The following MAF variants were observed in gnomAD, a reference collection of about 807,000 sequenced individuals.
The protein encoded by MAF is MAF bZIP transcription factor, also known as transcription factor Maf.
In MAF, 10 loss-of-function variants were observed where a neutral mutation model predicts 22.0. That is an observed-to-expected ratio of 0.45 (90% CI 0.28 to 0.77). The LOEUF (loss-of-function observed/expected upper bound fraction) is 0.77, where lower values mean the gene tolerates loss of function less well. Ranked by LOEUF, MAF falls within the 30% of genes least tolerant of loss-of-function variation. The pLI is 0.12. For missense variants in MAF, 544 were observed against 548.4 expected, an observed-to-expected ratio of 0.99 and a Z score of 0.08; for synonymous variants, 337 against 255.8, an observed-to-expected ratio of 1.32 and a Z score of -3.03.
At chr16:79,485,678 C>G in the MAF span, among the ~76,000 whole-genome samples, 2 of 152,140 alleles carry the variant, frequency 1.3e-5, no homozygotes, top group Non-Finnish European at 2.9e-5. Flanking sequence ...GATTTAAAAG[C>G]ACCACTATTA....
chr16:79,348,098 A>G, the MAF span, among the ~76,000 whole-genome samples: 1 of 152,224 alleles, frequency 6.6e-6, no homozygotes, highest in African/African-American at 2.4e-5. Context: ...GGAAAATCGT[A>G]CGGAAATAAA....
In MAF at chr16:79,598,671, G is replaced by T; in HGVS notation, c.1118+114C>A. Reference sequence around the variant, plus strand: ...CAAGGGGGCCAAACTCGGTGGGGGTGGGGGTGGTGAGGTGGTGGCGAGCAT... The same window carrying T: ...CAAGGGGGCCAAACTCGGTGGGGGTTGGGGTGGTGAGGTGGTGGCGAGCAT... On this transcript the variant is annotated intron_variant, in intron 1 of 1. Transcript: ENST00000326043. 4 of 1,549,964 alleles carry T rather than the reference G, an allele frequency of 2.6e-6. No homozygotes were observed. The African/African-American group carries it at 4.1e-5, about 16-fold the overall frequency.
chr16:79,597,171 A>G (rs1913582158), intron 1 of MAF: 18 of 1,056,208 alleles, frequency 1.7e-5, no homozygotes, highest in Non-Finnish European at 2.1e-5. Flanking sequence ...TCACAATAGT[A>G]AACAATTTAG....
At chr16:79,402,676 G>A in the MAF span, among the ~76,000 whole-genome samples, 1 of 152,248 alleles carries the variant, frequency 6.6e-6, no homozygotes, top group African/African-American at 2.4e-5. Flanking sequence ...AAAGGCCAAA[G>A]GGCCCAACTG....
At chr16:79,224,682 G>A in the MAF span, among the ~76,000 whole-genome samples, 3 of 152,210 alleles carry the variant, frequency 2.0e-5, no homozygotes, top group Non-Finnish European at 4.4e-5. Flanking sequence ...CAAAATCCAT[G>A]TGCAAAAATC....
chr16:79,352,790 C>T, the MAF span, among the ~76,000 whole-genome samples: 2 of 152,128 alleles, frequency 1.3e-5, no homozygotes, highest in South Asian at 4.1e-4. Context: ...GGATGTTTAG[C>T]TAGATGCCAG....
At chr16:79,348,035 G>C in the MAF span, among the ~76,000 whole-genome samples, 1 of 151,776 alleles carries the variant, frequency 6.6e-6, no homozygotes, top group African/African-American at 2.4e-5. Flanking sequence ...TGCATAGTTC[G>C]ATCCTCTTTC....
chr16:79,207,725 G>A, the MAF span, among the ~76,000 whole-genome samples: 2 of 152,014 alleles, frequency 1.3e-5, no homozygotes, highest in African/African-American at 4.8e-5. Context: ...GGTGTAACAT[G>A]TGTCCCTGTG....
At chr16:79,523,983 T>A in the MAF span, among the ~76,000 whole-genome samples, 1 of 152,202 alleles carries the variant, frequency 6.6e-6, no homozygotes, top group East Asian at 1.9e-4. Context: ...ATCATCGGCA[T>A]GAAATTACCC....
At chr16:79,378,287 C>A in the MAF span, among the ~76,000 whole-genome samples, 1 of 152,240 alleles carries the variant, frequency 6.6e-6, no homozygotes, top group Non-Finnish European at 1.5e-5. Context: ...TACTATACAG[C>A]AATGCCAGTG....
chr16:79,582,736 C>G (rs1232313928), downstream of MAF, among the ~76,000 whole-genome samples: 1 of 152,156 alleles, frequency 6.6e-6, no homozygotes, highest in Non-Finnish European at 1.5e-5. Context: ...TCAGTGCCAA[C>G]AGATATATTG....
At chr16:79,349,554 A>T in the MAF span, among the ~76,000 whole-genome samples, 1 of 152,182 alleles carries the variant, frequency 6.6e-6, no homozygotes, top group Non-Finnish European at 1.5e-5. Flanking sequence ...CAGACACCAG[A>T]CTGACCTGGG....
chr16:79,530,253 A>T, the MAF span, among the ~76,000 whole-genome samples: 1 of 152,276 alleles, frequency 6.6e-6, no homozygotes, highest in East Asian at 1.9e-4. Context: ...AAACCATGAC[A>T]CAACAGACTA....
At chr16:79,536,410 A>G in the MAF span, among the ~76,000 whole-genome samples, 1 of 152,224 alleles carries the variant, frequency 6.6e-6, no homozygotes, top group Non-Finnish European at 1.5e-5. Context: ...GGGGAGGCCG[A>G]GGTGGGCAGA....
the MAF span, among the ~76,000 whole-genome samples, chr16:79,281,485 T>C: frequency 6.6e-6 from 1 of 152,166 alleles, no homozygotes; most frequent in Non-Finnish European, 1.5e-5. Context: ...AGGTTTGTAA[T>C]TCAGTTGTTT....
chr16:79,586,382 T>C (rs1912842926), intron 1 of MAF, among the ~76,000 whole-genome samples: 1 of 151,832 alleles, frequency 6.6e-6, no homozygotes, highest in Non-Finnish European at 1.5e-5. Flanking sequence ...TCTGCCGGTG[T>C]GTGCTAGGGT....
At chr16:79,596,899 T>TA in intron 1 of MAF, 1 of 1,049,936 alleles carries the variant, frequency 9.5e-7, no homozygotes, top group Non-Finnish European at 1.2e-6. Flanking sequence ...TTTTTTTGTA[T>TA]TATATGCTTG....
At chr16:79,209,510 T>C in the MAF span, among the ~76,000 whole-genome samples, 3 of 152,176 alleles carry the variant, frequency 2.0e-5, no homozygotes, top group African/African-American at 4.8e-5. Context: ...CATTGTGGCA[T>C]AGAGGGCGGG....
the MAF span, among the ~76,000 whole-genome samples, chr16:79,237,049 C>T: frequency 6.6e-6 from 1 of 151,802 alleles, no homozygotes; most frequent in Non-Finnish European, 1.5e-5. Context: ...ACTTGGATTG[C>T]CAGAGTGTGC....
Sources: gnomAD v4.1 joint callset for allele counts (sites outside exome capture counted in the v4.1 genomes callset) on GRCh38, gnomAD v4.1.1 for gene constraint, MANE v1.5 for transcripts, NCBI Gene and HGNC (gene_info 2026-07-23, HGNC 2026-07-21) for gene names.